DDX60L: variants seen among roughly 807,000 people sequenced by gnomAD.
The protein encoded by DDX60L is DExD/H-box 60 like.
A neutral mutation model predicts 211.6 loss-of-function variants in DDX60L; 191 were observed. That is an observed-to-expected ratio of 0.90 (90% CI 0.80 to 1.02). The LOEUF (loss-of-function observed/expected upper bound fraction) is 1.02. DDX60L is among the 50% of genes least tolerant of loss of function. DDX60L has a pLI of 0.00. For missense variants in DDX60L, 2,007 were observed against 1,984.1 expected (o/e 1.01, Z -0.22); for synonymous variants, 706 against 694.1 (o/e 1.02, Z -0.27).
chr4:168,451,296 A>T (rs185817073), intron 8 of DDX60L, among the ~76,000 whole-genome samples: 1 of 152,320 alleles, frequency 6.6e-6, no homozygotes, highest in Non-Finnish European at 1.5e-5. Context: ...AGAATACTTA[A>T]ACTGCCTTTT....
chr4:168,411,338 C>T (rs1297589892), intron 22 of DDX60L, among the ~76,000 whole-genome samples: 2 of 152,174 alleles, frequency 1.3e-5, no homozygotes, highest in Non-Finnish European at 1.5e-5. Flanking sequence ...AAGACAGTGT[C>T]GACCTGCCAA....
chr4:168,394,086 A>G (rs62334114), intron 28 of DDX60L, among the ~76,000 whole-genome samples: 1,587 of 152,096 alleles, frequency 0.01, 11 homozygotes, highest in Middle Eastern at 0.02. Context: ...TCCCAGCTAC[A>G]CGGGACGGCT....
At chr4:168,419,026 C>T (rs964434522) in intron 19 of DDX60L, among the ~76,000 whole-genome samples, 1 of 152,232 alleles carries the variant, frequency 6.6e-6, no homozygotes, top group Non-Finnish European at 1.5e-5. Context: ...ATGCTTCCCC[C>T]TCCCTTCATC....
At chr4:168,417,305 T>A (rs1249751142) in intron 19 of DDX60L, among the ~76,000 whole-genome samples, 1 of 152,136 alleles carries the variant, frequency 6.6e-6, no homozygotes. Flanking sequence ...TCCAACCCCA[T>A]CTCAGGCCAC....
chr4:168,458,269 G>A (rs1579793840), intron 5 of DDX60L, among the ~76,000 whole-genome samples: 2 of 152,068 alleles, frequency 1.3e-5, no homozygotes, highest in Non-Finnish European at 2.9e-5. Flanking sequence ...CTTAGAACCA[G>A]AAATACCATT....
chr4:168,471,544 G>T, intron 4 of DDX60L: 1 of 420,634 alleles, frequency 2.4e-6, no homozygotes, highest in Non-Finnish European at 4.1e-6. Flanking sequence ...ACATAGAGTT[G>T]AGGGAAAAAA....
In DDX60L at chr4:168,420,450, G is replaced by A. The variant is rs1267861374; in HGVS notation, c.2395-70C>T. On this transcript the variant is annotated intron_variant, in intron 17 of 37. Transcript: ENST00000682922. ...GACATATAAAACCTTGAGGACAACC[G>A]AATCCATACACATACACACACACAC... 20 of 1,174,246 alleles carry A rather than the reference G, an allele frequency of 1.7e-5. No homozygotes were observed. In the East Asian group the frequency reaches 1.9e-4, roughly 11 times the overall value. 72.7% of individuals were successfully genotyped at this position (1,174,246 alleles called of 1,614,324 possible).
At chr4:168,426,392 G>A (rs1034142706) in intron 14 of DDX60L, among the ~76,000 whole-genome samples, 2 of 152,096 alleles carry the variant, frequency 1.3e-5, no homozygotes, top group Non-Finnish European at 2.9e-5. Context: ...AAAGAGCCCA[G>A]GTAGAAACCA....
chr4:168,405,110 G>A (rs1482134566), intron 24 of DDX60L, among the ~76,000 whole-genome samples: 1 of 151,882 alleles, frequency 6.6e-6, no homozygotes. Flanking sequence ...CCAGGCTCAA[G>A]TGATTCTTCC....
At chr4:168,460,839 G>A (rs1257683308) in intron 5 of DDX60L, among the ~76,000 whole-genome samples, 1 of 152,114 alleles carries the variant, frequency 6.6e-6, no homozygotes, top group Non-Finnish European at 1.5e-5. Flanking sequence ...ACAAATCTGG[G>A]GTTCCCTCCT....
At position 168,427,284 on chromosome 4, in the gene DDX60L, T is replaced by C. The variant is rs2712120; in HGVS notation, c.1716A>G (p.Lys572=). ...TCTGATCTTCTTTGAGAAATGACTT[T>C]TTCTTACTCTTTTTGGTAATTTGGT... ...KPHQITKKSK[K]KSFLKEDQNK... The change falls in exon 14 of 38, where the codon AAA becomes AAG. Residue 572 remains lysine, a synonymous_variant. Transcript: ENST00000682922. 228,977 of 1,613,162 alleles carry C rather than the reference T, an allele frequency of 0.14. 21,516 individuals are homozygous for C. The highest frequency in any genetic ancestry group is 0.47 in the African/African-American group (35,163 of 74,870).
chr4:168,475,716 C>T (rs1303157442), intron 1 of DDX60L, among the ~76,000 whole-genome samples: 1 of 151,760 alleles, frequency 6.6e-6, no homozygotes, highest in Non-Finnish European at 1.5e-5. Context: ...ATGTTTATGT[C>T]CCCCCAAAAT....
At chr4:168,440,952 A>G (rs1425984915) in intron 10 of DDX60L, among the ~76,000 whole-genome samples, 2 of 152,186 alleles carry the variant, frequency 1.3e-5, no homozygotes, top group Non-Finnish European at 2.9e-5. Flanking sequence ...AATATACACT[A>G]TATGACTCCA....
intron 7 of DDX60L, 121 bp downstream of exon 7, chr4:168,455,918 A>C (rs1048510905): frequency 1.1e-4 from 70 of 638,866 alleles, no homozygotes; most frequent in Middle Eastern, 6.0e-4. Context: ...AATGAAGAAA[A>C]TGGCGGTCAG....
At chr4:168,412,508 T>A (rs1748853087) in intron 22 of DDX60L, among the ~76,000 whole-genome samples, 2 of 150,934 alleles carry the variant, frequency 1.3e-5, no homozygotes, top group Non-Finnish European at 3.0e-5. Context: ...CCTCTACTTG[T>A]GGGAAAAAAA....
At chr4:168,389,273 G>C (rs960452618) in intron 29 of DDX60L, among the ~76,000 whole-genome samples, 8 of 152,158 alleles carry the variant, frequency 5.3e-5, no homozygotes, top group Non-Finnish European at 1.2e-4. Flanking sequence ...CATAATAAAT[G>C]CCATTTGAGG....
chr4:168,430,350 G>T, intron 13 of DDX60L, 128 bp downstream of exon 13: 1 of 766,592 alleles, frequency 1.3e-6, no homozygotes, highest in Non-Finnish European at 1.9e-6. Context: ...AGCAATGTGA[G>T]AATGGACTAA....
intron 37 of DDX60L, among the ~76,000 whole-genome samples, chr4:168,360,294 TA>T (rs1047611167): frequency 2.6e-5 from 4 of 152,322 alleles, no homozygotes; most frequent in Admixed American, 6.5e-5. Flanking sequence ...GAGATACATT[TA>T]AAATCTCCAA....
chr4:168,461,285 C>T (rs191193337), intron 5 of DDX60L, among the ~76,000 whole-genome samples: 50 of 152,264 alleles, frequency 3.3e-4, no homozygotes, highest in South Asian at 1.0e-3. Flanking sequence ...ATTATTATTA[C>T]TCAAGAAATT....
Sources: gnomAD v4.1 joint callset for allele counts (sites outside exome capture counted in the v4.1 genomes callset) on GRCh38, gnomAD v4.1.1 for gene constraint, MANE v1.5 for transcripts, NCBI Gene and HGNC (gene_info 2026-07-23, HGNC 2026-07-21) for gene names.